HTR2C: variants seen among roughly 807,000 people sequenced by gnomAD.
HTR2C encodes 5-hydroxytryptamine (serotonin) receptor 2C, G protein-coupled.
Under a neutral mutation model 21.0 loss-of-function variants are expected in HTR2C, and 5 were observed. That is an observed-to-expected ratio of 0.24 (90% CI 0.12 to 0.50). The LOEUF is 0.50. HTR2C is among the 20% of genes least tolerant of loss of function. The probability of loss-of-function intolerance (pLI) is 0.98; values close to 1 mark genes in which losing one functional copy is unlikely to be tolerated. For missense variants in HTR2C, 271 were observed against 371.2 expected (o/e 0.73, Z 2.22); for synonymous variants, 150 against 145.3 (o/e 1.03, Z -0.23).
intron 2 of HTR2C, among the ~76,000 whole-genome samples, chrX:114,695,942 G>A (rs1556415812): frequency 8.9e-6 from 1 of 111,792 alleles, no homozygotes; most frequent in Admixed American, 9.5e-5. Flanking sequence ...CCCTATTTAA[G>A]TATAATTTAA....
chrX:114,694,663 T>C (rs1932223777), intron 2 of HTR2C, among the ~76,000 whole-genome samples: 1 of 109,186 alleles, frequency 9.2e-6, no homozygotes, highest in Non-Finnish European at 1.9e-5. Flanking sequence ...GGGCTAATTT[T>C]TGTATTTTTA....
intron 4 of HTR2C, among the ~76,000 whole-genome samples, chrX:114,804,819 A>C (rs1294538694): frequency 1.8e-5 from 2 of 111,654 alleles, no homozygotes; most frequent in Non-Finnish European, 3.8e-5. Context: ...TGCTTCCTCT[A>C]CATTCTTTCC....
rs1286409474 is a variant in HTR2C, at chrX:114,884,077, T to G, written c.551-22512T>G. Among the ~76,000 whole-genome samples the G allele has an allele frequency of 3.6e-5, 4 of 111,284 alleles. No individual in the cohort carries two copies. The East Asian group carries it at 1.1e-3, about 31-fold the overall frequency. On this transcript the variant is annotated intron_variant, in intron 5 of 5. Coordinates refer to ENST00000276198, the MANE Select transcript of HTR2C (RefSeq NM_000868.4). Reference sequence around the variant, plus strand: ...TCATGTAGCATAATGGCCTCCAGATTCATTCATGTTGTCACAAATGACAGG... The same window carrying G: ...TCATGTAGCATAATGGCCTCCAGATGCATTCATGTTGTCACAAATGACAGG...
At chrX:114,590,061 TAG>T (rs1556390702) in intron 1 of HTR2C, 1 of 137,887 alleles carries the variant, frequency 7.3e-6, no homozygotes, top group African/African-American at 3.2e-5. Context: ...CTTTTCATAC[TAG>T]AGTCAGGAAA....
intron 2 of HTR2C, among the ~76,000 whole-genome samples, chrX:114,635,431 A>G (rs1340317336): frequency 8.9e-6 from 1 of 111,974 alleles, no homozygotes; most frequent in African/African-American, 3.2e-5. Context: ...TCTACAGCGG[A>G]TCAATCAACA....
intron 4 of HTR2C, chrX:114,776,230 A>C: frequency 1.8e-6 from 1 of 565,050 alleles, no homozygotes; most frequent in Non-Finnish European, 3.2e-6. Context: ...CTAAGCCGTA[A>C]GCAATATCAG....
intron 1 of HTR2C, among the ~76,000 whole-genome samples, chrX:114,611,751 G>T (rs1928743282): frequency 1.8e-5 from 2 of 111,825 alleles, no homozygotes; most frequent in African/African-American, 6.5e-5. Context: ...AGGCTGGAGT[G>T]CAGTGGCGCG....
At chrX:114,838,766 A>G (rs782506959) in intron 4 of HTR2C, among the ~76,000 whole-genome samples, 1 of 112,356 alleles carries the variant, frequency 8.9e-6, no homozygotes, top group Admixed American at 9.4e-5. Context: ...AACCTTTTAC[A>G]TATTAATTGT....
intron 4 of HTR2C, among the ~76,000 whole-genome samples, chrX:114,748,478 T>C (rs782560186): frequency 1.8e-5 from 2 of 111,544 alleles, no homozygotes; most frequent in African/African-American, 6.5e-5. Context: ...ACAGCACAAT[T>C]GGAGAACTCA....
intron 4 of HTR2C, among the ~76,000 whole-genome samples, chrX:114,734,564 T>TAAAAAAAAAAAAAAAAAAAAAAAA (rs61672860): frequency 1.3e-3 from 46 of 34,296 alleles, no homozygotes; most frequent in African/African-American, 2.6e-3. Context: ...GCCTTACATG[T>TAAAAAAAAAAAAAAAAAAAAAAAA]AAAAAAAAAA....
intron 2 of HTR2C, among the ~76,000 whole-genome samples, chrX:114,623,770 A>G (rs1454507497): frequency 9.0e-6 from 1 of 110,693 alleles, no homozygotes; most frequent in Non-Finnish European, 1.9e-5. Context: ...CTCTTCCTAT[A>G]ATTTGTCTCC....
At chrX:114,680,122 G>T (rs1385130687) in intron 2 of HTR2C, among the ~76,000 whole-genome samples, 2 of 112,148 alleles carry the variant, frequency 1.8e-5, no homozygotes, top group Non-Finnish European at 3.8e-5. Flanking sequence ...TCTTTGAATA[G>T]ACAATAGTTA....
At chrX:114,734,404 G>C (rs1556423984) in intron 4 of HTR2C, among the ~76,000 whole-genome samples, 1 of 108,953 alleles carries the variant, frequency 9.2e-6, no homozygotes, top group African/African-American at 3.3e-5. Context: ...TCTACATATT[G>C]ATAGGTTCAA....
intron 2 of HTR2C, among the ~76,000 whole-genome samples, chrX:114,675,996 A>G (rs1351218948): frequency 1.9e-5 from 2 of 108,082 alleles, no homozygotes; most frequent in African/African-American, 6.7e-5. Context: ...CGGCCCCCCA[A>G]GTAGTTGGGA....
intron 4 of HTR2C, chrX:114,776,635 A>G (rs2147395714): frequency 3.9e-6 from 2 of 510,783 alleles, no homozygotes; most frequent in East Asian, 7.1e-5. Flanking sequence ...TCAATCATTC[A>G]GTGTTCATAA....
intron 4 of HTR2C, among the ~76,000 whole-genome samples, chrX:114,826,863 C>T (rs1398665919): frequency 9.0e-6 from 1 of 110,677 alleles, no homozygotes; most frequent in African/African-American, 3.3e-5. Flanking sequence ...TCTATTTATC[C>T]CTTGTCTTTT....
intron 4 of HTR2C, among the ~76,000 whole-genome samples, chrX:114,824,607 A>G (rs782419380): frequency 9.0e-6 from 1 of 111,714 alleles, no homozygotes; most frequent in East Asian, 2.8e-4. Context: ...ACTTTAAATT[A>G]GGGTCAAGTT....
At chrX:114,772,737 G>C (rs2070018110) in intron 4 of HTR2C, among the ~76,000 whole-genome samples, 1 of 111,091 alleles carries the variant, frequency 9.0e-6, no homozygotes, top group African/African-American at 3.3e-5. Context: ...TTTAGAAAGG[G>C]ACAAGGTCAA....
intron 2 of HTR2C, among the ~76,000 whole-genome samples, chrX:114,700,544 A>C (rs1569485029): frequency 8.9e-6 from 1 of 112,427 alleles, no homozygotes. Context: ...TTTTATGTTC[A>C]TTTCAAGACT....
Sources: gnomAD v4.1 joint callset for allele counts (sites outside exome capture counted in the v4.1 genomes callset) on GRCh38, gnomAD v4.1.1 for gene constraint, MANE v1.5 for transcripts, NCBI Gene and HGNC (gene_info 2026-07-23, HGNC 2026-07-21) for gene names.